The following ADCYAP1R1 variants were observed in gnomAD, a reference collection of about 807,000 sequenced individuals.
The protein encoded by ADCYAP1R1 is ADCYAP receptor type I.
Under a neutral mutation model 67.6 loss-of-function variants are expected in ADCYAP1R1, and 44 were observed. That is an observed-to-expected ratio of 0.65 (90% CI 0.51 to 0.84). The LOEUF (loss-of-function observed/expected upper bound fraction) is 0.84, where lower values mean the gene tolerates loss of function less well. Ranked by LOEUF, ADCYAP1R1 falls within the 40% of genes least tolerant of loss-of-function variation. The probability of loss-of-function intolerance (pLI) is 0.00; values close to 1 mark genes in which losing one functional copy is unlikely to be tolerated. For synonymous variants in ADCYAP1R1, 222 were observed against 219.6 expected (o/e 1.01, Z -0.10); for missense variants, 477 against 587.9 (o/e 0.81, Z 1.95).
intron 4 of ADCYAP1R1, among the ~76,000 whole-genome samples, chr7:31,078,684 C>T (rs1195726829): frequency 6.6e-6 from 1 of 152,214 alleles, no homozygotes; most frequent in Non-Finnish European, 1.5e-5. Flanking sequence ...CCCGTTGGGG[C>T]TGGCGCACAC....
At chr7:31,055,201 A>T (rs1020349271) in intron 1 of ADCYAP1R1, among the ~76,000 whole-genome samples, 3 of 152,134 alleles carry the variant, frequency 2.0e-5, no homozygotes, top group Non-Finnish European at 4.4e-5. Context: ...CAGAAAGACA[A>T]ATGGACGTTG....
intron 13 of ADCYAP1R1, 51 bp downstream of exon 13, chr7:31,092,786 C>T (rs376543436): frequency 5.2e-4 from 749 of 1,436,008 alleles, no homozygotes; most frequent in Non-Finnish European, 6.9e-4. Flanking sequence ...CCGAGCGGGC[C>T]CTGCATTCAG....
chr7:31,072,118 C>T (rs1166884580), intron 3 of ADCYAP1R1, among the ~76,000 whole-genome samples: 1 of 151,852 alleles, frequency 6.6e-6, no homozygotes, highest in Non-Finnish European at 1.5e-5. Flanking sequence ...CTCGACTCTG[C>T]AGCAGTAACA....
chr7:31,054,065 A>G (rs1424691314), intron 1 of ADCYAP1R1, among the ~76,000 whole-genome samples: 1 of 152,122 alleles, frequency 6.6e-6, no homozygotes, highest in East Asian at 1.9e-4. Context: ...TCTGCTCCTC[A>G]CTGACCTTGG....
chr7:31,064,784 A>T, intron 2 of ADCYAP1R1, 47 bp from the exon 3 acceptor site: 1 of 1,477,904 alleles, frequency 6.8e-7, no homozygotes, highest in Non-Finnish European at 9.3e-7. Flanking sequence ...GAGCTTACAG[A>T]TGGGCCTCCT....
chr7:31,053,902 G>A (rs1794132005), intron 1 of ADCYAP1R1, among the ~76,000 whole-genome samples: 1 of 152,172 alleles, frequency 6.6e-6, no homozygotes. Flanking sequence ...GCTTTGAGTG[G>A]CGGTAGGATT....
intron 3 of ADCYAP1R1, among the ~76,000 whole-genome samples, chr7:31,074,260 G>A (rs1303956772): frequency 6.6e-6 from 1 of 152,138 alleles, no homozygotes; most frequent in Non-Finnish European, 1.5e-5. Flanking sequence ...TGGGGCTTCC[G>A]GTGCTAATGC....
At chr7:31,065,987 C>T (rs138816208) in intron 3 of ADCYAP1R1, among the ~76,000 whole-genome samples, 86 of 152,356 alleles carry the variant, frequency 5.6e-4, no homozygotes, top group African/African-American at 1.9e-3. Flanking sequence ...TACTCTGGAC[C>T]GTGCCGGCCT....
chr7:31,072,093 C>T (rs4723044), intron 3 of ADCYAP1R1, among the ~76,000 whole-genome samples: 84,299 of 150,756 alleles, frequency 0.56, 24,090 homozygotes, highest in East Asian at 0.7. Flanking sequence ...CCTCTCTCCC[C>T]TGCACTGTGT....
In ADCYAP1R1 at chr7:31,107,035, A is replaced by C; in HGVS notation, c.*351A>C. On this transcript the variant is annotated 3_prime_UTR_variant, in exon 16 of 16. Coordinates refer to ENST00000304166, the MANE Select transcript of ADCYAP1R1 (RefSeq NM_001118.5). ...CTTGGTCAGCCTCAGTGATGGCCTG[A>C]CCCCAGCTGTGAGGCCTTGTGAGCT... 1 of 237,606 alleles carries C rather than the reference A, an allele frequency of 4.2e-6. No individual in the cohort carries two copies. Among genetic ancestry groups the C allele is most frequent in the Non-Finnish European group, 8.0e-6 (1 of 124,624 alleles). The allele number at this position is 237,606 out of a possible 1,614,324, so 14.7% of individuals were successfully genotyped here.
intron 13 of ADCYAP1R1, among the ~76,000 whole-genome samples, chr7:31,095,279 C>A (rs982446401): frequency 1.3e-5 from 2 of 152,178 alleles, no homozygotes; most frequent in Admixed American, 1.3e-4. Flanking sequence ...AGGAGGATGC[C>A]ATGGCTGTGG....
In ADCYAP1R1 at chr7:31,082,224, C is replaced by T. The variant is rs111767264; in HGVS notation, c.328+470C>T. On this transcript the variant is annotated intron_variant, in intron 6 of 15. Coordinates refer to ENST00000304166, the MANE Select transcript of ADCYAP1R1 (RefSeq NM_001118.5). The stretch of plus-strand genomic sequence containing the variant: ...GGCTGATCCGGGACGGGCACCCCTT[C>T]GGGAAACGCTGCCCAAAAGTTTCGT... Among the ~76,000 whole-genome samples, 59 of 152,324 alleles carry T rather than the reference C, an allele frequency of 3.9e-4. 2 individuals carry two copies. The highest frequency in any genetic ancestry group is 6.8e-3 in the Middle Eastern group (2 of 294).
chr7:31,064,527 A>G (rs1794650921), intron 2 of ADCYAP1R1, among the ~76,000 whole-genome samples: 1 of 152,234 alleles, frequency 6.6e-6, no homozygotes, highest in Admixed American at 6.5e-5. Context: ...CACTCAGAAT[A>G]ATGCATGCAC....
rs6969805 is a variant in ADCYAP1R1 at position 31,090,066 on chromosome 7, A to C, written c.954+2370A>C. ...TTTTTTTATTTGCCTTGAAACAATT[A>C]AGCAGTATGTAAATTACATCTTTGT... is the stretch of plus-strand genomic sequence containing the variant. On this transcript the variant is annotated intron_variant, in intron 12 of 15. Transcript: ENST00000304166. 8.1e-3 allele frequency among the ~76,000 whole-genome samples: 1,234 copies of C among 152,222 alleles called. 14 individuals carry two copies. Among genetic ancestry groups the C allele is most frequent in the African/African-American group, 0.028 (1,174 of 41,528 alleles).
chr7:31,089,026 G>T (rs1351518549), intron 12 of ADCYAP1R1, among the ~76,000 whole-genome samples: 1 of 152,156 alleles, frequency 6.6e-6, no homozygotes, highest in East Asian at 1.9e-4. Context: ...TTCTTATAGA[G>T]TCATTTTGGT....
intron 3 of ADCYAP1R1, among the ~76,000 whole-genome samples, chr7:31,065,755 C>T (rs1421572071): frequency 6.6e-6 from 1 of 152,220 alleles, no homozygotes; most frequent in Non-Finnish European, 1.5e-5. Flanking sequence ...TCTCCAACCT[C>T]ACTTTTGCCT....
chr7:31,079,858 A>T (rs1422663760), intron 4 of ADCYAP1R1, among the ~76,000 whole-genome samples: 1 of 152,176 alleles, frequency 6.6e-6, no homozygotes, highest in African/African-American at 2.4e-5. Flanking sequence ...TTGAAAGGGG[A>T]TACAGGCAGC....
chr7:31,058,013 A>G (rs1283309489), intron 1 of ADCYAP1R1, among the ~76,000 whole-genome samples: 1 of 152,180 alleles, frequency 6.6e-6, no homozygotes, highest in Non-Finnish European at 1.5e-5. Context: ...GGCCCAAAGA[A>G]GAGGTGGGGT....
chr7:31,054,893 G>A (rs1285592510), intron 1 of ADCYAP1R1, among the ~76,000 whole-genome samples: 1 of 152,246 alleles, frequency 6.6e-6, no homozygotes, highest in Non-Finnish European at 1.5e-5. Flanking sequence ...GCTGCCAAGT[G>A]GCTTTCCACC....
Sources: allele counts gnomAD v4.1 joint callset (sites outside exome capture counted in the v4.1 genomes callset), GRCh38; gene constraint gnomAD v4.1.1; transcripts MANE v1.5; gene names NCBI Gene and HGNC (gene_info 2026-07-23, HGNC 2026-07-21).